MCF2L2: variants seen among roughly 807,000 people sequenced by gnomAD.
The protein encoded by MCF2L2 is MCF.2 cell line derived transforming sequence-like 2.
A neutral mutation model predicts 150.2 loss-of-function variants in MCF2L2; 102 were observed. The ratio of observed to expected loss-of-function variants is 0.68; its 90% CI spans 0.58 to 0.80. The LOEUF (loss-of-function observed/expected upper bound fraction) is 0.80. MCF2L2 is among the 30% of genes least tolerant of loss of function. The pLI is 0.00. For synonymous variants in MCF2L2, 465 were observed against 491.3 expected (o/e 0.95, Z 0.71); for missense variants, 1,256 against 1,372.8 (o/e 0.91, Z 1.34).
chr3:183,390,302 CT>C (rs1714070170), intron 1 of MCF2L2, among the ~76,000 whole-genome samples: 1 of 152,126 alleles, frequency 6.6e-6, no homozygotes, highest in Non-Finnish European at 1.5e-5. Context: ...TTCCAGAATA[CT>C]TTAAGGGGCC....
chr3:183,423,624 TTTTA>T (rs1221154564), intron 1 of MCF2L2, among the ~76,000 whole-genome samples: 4 of 144,056 alleles, frequency 2.8e-5, no homozygotes, highest in African/African-American at 1.0e-4. Flanking sequence ...ATTTTTTAAA[TTTTA>T]TTTGTTTTTT....
At chr3:183,215,918 T>C in intron 22 of MCF2L2, 51 bp downstream of exon 22, 1 of 1,589,856 alleles carries the variant, frequency 6.3e-7, no homozygotes, top group South Asian at 1.1e-5. Context: ...CACTGTGTAG[T>C]ATTGCACCTG....
In MCF2L2 at chr3:183,283,467, C is replaced by T. The variant is rs61009162; in HGVS notation, c.1776+5653G>A. ...CCCTTTAGACCTCTGAGATGTTATA[C>T]CCTTCCTCATTCTGGAATGCCCTTC... On this transcript the variant is annotated intron_variant, in intron 14 of 29. Transcript: ENST00000328913. This position sits in a 1 kb window ranked among gnomAD's most constrained non-coding sequence, Gnocchi z 4.2. 0.032 allele frequency among the ~76,000 whole-genome samples: 4,892 copies of T among 152,198 alleles called. 278 individuals are homozygous for T. Among genetic ancestry groups the T allele is most frequent in the African/African-American group, 0.11 (4,511 of 41,504 alleles).
intron 3 of MCF2L2, among the ~76,000 whole-genome samples, chr3:183,368,006 C>A (rs968506060): frequency 6.6e-6 from 1 of 152,190 alleles, no homozygotes; most frequent in African/African-American, 2.4e-5. Flanking sequence ...GCCAGAAAAT[C>A]TAAATCCTAA....
intron 14 of MCF2L2, chr3:183,287,580 T>A (rs527776949): frequency 3.3e-5 from 5 of 152,336 alleles, no homozygotes; most frequent in African/African-American, 7.2e-5. Flanking sequence ...AATCTATTTT[T>A]AAAAATTGCT....
chr3:183,407,390 T>A (rs1304600828), intron 1 of MCF2L2, among the ~76,000 whole-genome samples: 3 of 152,244 alleles, frequency 2.0e-5, no homozygotes, highest in African/African-American at 7.2e-5. Flanking sequence ...TCTACAAAAA[T>A]ATACAATAGA....
chr3:183,351,780 T>C (rs1711510803), intron 3 of MCF2L2, among the ~76,000 whole-genome samples: 1 of 152,218 alleles, frequency 6.6e-6, no homozygotes, highest in Non-Finnish European at 1.5e-5. Flanking sequence ...AGCCTATGTC[T>C]TTTTAAATTT....
chr3:183,218,475 A>G (rs1723026220), intron 21 of MCF2L2, among the ~76,000 whole-genome samples: 1 of 151,956 alleles, frequency 6.6e-6, no homozygotes, highest in Non-Finnish European at 1.5e-5. Flanking sequence ...CATCTCTACT[A>G]AAAACAAAAA....
chr3:183,326,970 T>C (rs529109323), intron 5 of MCF2L2, among the ~76,000 whole-genome samples: 99 of 152,176 alleles, frequency 6.5e-4, no homozygotes, highest in Middle Eastern at 6.8e-3. Context: ...TATGTAAAAA[T>C]AGGAATCTTG....
chr3:183,215,510 A>G (rs1452987311), intron 22 of MCF2L2, among the ~76,000 whole-genome samples: 1 of 152,218 alleles, frequency 6.6e-6, no homozygotes, highest in East Asian at 1.9e-4. Flanking sequence ...GGATTAATGC[A>G]TGTACACTAT....
intron 21 of MCF2L2, among the ~76,000 whole-genome samples, chr3:183,219,153 G>C (rs921326921): frequency 1.3e-5 from 2 of 152,078 alleles, no homozygotes; most frequent in African/African-American, 4.8e-5. Flanking sequence ...CACACACACA[G>C]AGGAGAACAA....
Position 183,270,115 on chromosome 3 carries a change from G to A in MCF2L2, c.1862+6757C>T. The A allele has an allele frequency of 6.2e-7, 1 of 1,614,148 alleles. No individual in the cohort carries two copies. Among genetic ancestry groups the A allele is most frequent in the Non-Finnish European group, 8.5e-7 (1 of 1,180,036 alleles). On this transcript the variant is annotated intron_variant, in intron 15 of 29. Coordinates refer to ENST00000328913, the MANE Select transcript of MCF2L2 (RefSeq NM_015078.4). This position sits in a 1 kb window ranked among gnomAD's most constrained non-coding sequence, Gnocchi z 4.5. ...CCTGAAAACTATGATCGACGTTCCG[G>A]AATTAGAAGGACGTGGGGCAATGAA...
intron 5 of MCF2L2, among the ~76,000 whole-genome samples, chr3:183,330,497 G>A (rs957351856): frequency 1.3e-5 from 2 of 152,100 alleles, no homozygotes; most frequent in African/African-American, 4.8e-5. Flanking sequence ...AGGGATTAGG[G>A]ATGGGGAGAG....
At chr3:183,259,863 T>C (rs1287557756) in intron 15 of MCF2L2, among the ~76,000 whole-genome samples, 1 of 152,136 alleles carries the variant, frequency 6.6e-6, no homozygotes, top group Admixed American at 6.5e-5. Flanking sequence ...GAGGGAAAAC[T>C]GAAATGGAAG....
intron 1 of MCF2L2, among the ~76,000 whole-genome samples, chr3:183,413,833 G>A (rs945410134): frequency 2.0e-5 from 3 of 152,182 alleles, no homozygotes; most frequent in African/African-American, 7.2e-5. Flanking sequence ...TTCATTAAGT[G>A]TAAGTGGATC....
Position 183,297,054 on chromosome 3 carries a change from G to C in MCF2L2, c.1419C>G (p.Gly473=), listed in dbSNP as rs761008773. 6.2e-7 allele frequency: 1 copy of C among 1,614,158 alleles called. No individual in the cohort carries two copies. The highest frequency in any genetic ancestry group is 8.5e-7 in the Non-Finnish European group (1 of 1,180,036). Residue 473 remains glycine, a synonymous_variant, in exon 12 of 30, where the codon GGC becomes GGG. Coordinates refer to ENST00000328913, the MANE Select transcript of MCF2L2 (RefSeq NM_015078.4). ...IALNDIATFL[G]TVKEYPLLSP... is the part of the protein sequence containing the mutation. Reference sequence around the variant, plus strand: ...TGAGCAACGGGTACTCCTTGACTGTGCCCAGGAATGTCGCAATGTCGTTCA... The same window carrying C: ...TGAGCAACGGGTACTCCTTGACTGTCCCCAGGAATGTCGCAATGTCGTTCA...
In MCF2L2 at chr3:183,179,567, TCA is replaced by T. The variant is rs772746474; in HGVS notation, c.3221+8_3221+9del. ...AAAGAGGCGCTTAGTCTTTCCTCGC[TCA>T]CACTCACGTTTCCTCCTCATCGCGT... On this transcript the variant is annotated splice_region_variant and intron_variant, in intron 29 of 29. Transcript: ENST00000328913. The surrounding 1 kb of genome is among the most constrained non-coding windows in gnomAD (Gnocchi z 4.2). 6.2e-7 allele frequency: 1 copy of T among 1,613,894 alleles called. No homozygotes were observed. The highest frequency in any genetic ancestry group is 1.1e-5 in the South Asian group (1 of 91,058).
Position 183,216,069 on chromosome 3 carries a change from G to C in MCF2L2, c.2396C>G (p.Ser799Ter). ...TTGTTGTAGTTCAGTTGAGAATGCT[G>C]AATCTTTGGTTCTCTTTGGCCCATC... ...AKDGPKRTKD[S>*]AFSTELQQAL... Residue 799 changes from serine to a stop codon, truncating the protein, a stop_gained, in exon 22 of 30, where the codon TCA becomes TGA. Transcript: ENST00000328913. LOFTEE classifies it high-confidence loss of function. The C allele has an allele frequency of 6.2e-7, 1 of 1,613,746 alleles. No individual in the cohort carries two copies. Among genetic ancestry groups the C allele is most frequent in the Non-Finnish European group, 8.5e-7 (1 of 1,179,814 alleles).
chr3:183,359,548 A>G (rs1194715324), intron 3 of MCF2L2, among the ~76,000 whole-genome samples: 2 of 152,216 alleles, frequency 1.3e-5, no homozygotes, highest in African/African-American at 2.4e-5. Context: ...AACTCATCTG[A>G]TTTCAGAAAA....
Sources: gnomAD v4.1 joint callset for allele counts (sites outside exome capture counted in the v4.1 genomes callset) on GRCh38, gnomAD v4.1.1 for gene constraint, Gnocchi (gnomAD v3.1) non-coding constraint, MANE v1.5 for transcripts, NCBI Gene and HGNC (gene_info 2026-07-23, HGNC 2026-07-21) for gene names.